USP24: variants seen among roughly 807,000 people sequenced by gnomAD.
USP24 encodes ubiquitin specific peptidase 24.
In USP24, 97 loss-of-function variants were observed where a neutral mutation model predicts 361.6. The ratio of observed to expected loss-of-function variants is 0.27; its 90% CI spans 0.23 to 0.32. USP24 has a LOEUF of 0.32. Among genes scored for constraint, USP24 ranks in the 10% least tolerant of loss-of-function variants. USP24 has a pLI of 1.00. For missense variants in USP24, 2,353 were observed against 3,165.6 expected, an observed-to-expected ratio of 0.74 and a Z score of 6.16; for synonymous variants, 1,098 against 1,124.6, an observed-to-expected ratio of 0.98 and a Z score of 0.47.
At position 55,072,326 on chromosome 1, in the gene USP24, A is replaced by C. The variant is rs1644937916; in HGVS notation, c.7680T>G (p.Ile2560Met). The C allele has an allele frequency of 1.9e-6, 3 of 1,613,536 alleles. No individual in the cohort carries two copies. The highest frequency in any genetic ancestry group is 2.2e-5 in the East Asian group (1 of 44,872). Residue 2560 changes from isoleucine to methionine, a missense_variant, in exon 66 of 68, where the codon ATT becomes ATG. By Grantham distance (10) the Ile-to-Met change is conservative (BLOSUM62 1). This residue lies in a region of USP24 where 8 missense variants were observed against 32.9 expected (regional missense o/e 0.24). Transcript: ENST00000294383. ...AAGAGACAACTCTCACCTGAGCTGA[A>C]ATGGTTCGCTGAAAGGTTTTTCCAG... The part of the protein sequence containing the change: ...TSTGKTFQRT[I>M]SAQDTLAYAT...
chr1:55,199,432 A>C (rs1644505141), intron 1 of USP24, among the ~76,000 whole-genome samples: 1 of 152,232 alleles, frequency 6.6e-6, no homozygotes, highest in Non-Finnish European at 1.5e-5. Flanking sequence ...TGAACTAAAT[A>C]ATAGACAATA....
chr1:55,119,347 T>A (rs1315713311), intron 38 of USP24, among the ~76,000 whole-genome samples: 2 of 152,198 alleles, frequency 1.3e-5, no homozygotes, highest in African/African-American at 4.8e-5. Context: ...ATTCCACTTA[T>A]ATGAGGTACC....
chr1:55,200,930 T>A (rs537519001), intron 1 of USP24, among the ~76,000 whole-genome samples: 8 of 152,338 alleles, frequency 5.3e-5, no homozygotes, highest in African/African-American at 1.9e-4. Context: ...AGAAAAAACA[T>A]AAAGCAAAGG....
intron 1 of USP24, among the ~76,000 whole-genome samples, chr1:55,183,757 C>T (rs1371764770): frequency 6.6e-6 from 1 of 152,078 alleles, no homozygotes; most frequent in Non-Finnish European, 1.5e-5. Context: ...ATGCTGTCTA[C>T]ATCAAACACA....
In USP24 at chr1:55,097,155, G is replaced by A. The variant is rs1041160400; in HGVS notation, c.5733C>T (p.Asn1911=). The part of the protein sequence containing the change: ...DEQIRFPWML[N]MEPYTVSGMA... ...TTCCTGAAACTGTGTAAGGCTCCATGTTTAGCATCCAGGGAAACTATGTAG... is the reference window on the plus strand; with the variant it reads ...TTCCTGAAACTGTGTAAGGCTCCATATTTAGCATCCAGGGAAACTATGTAG... Residue 1911 remains asparagine, a synonymous_variant, in exon 49 of 68, where the codon AAC becomes AAT. Transcript: ENST00000294383. 4.3e-6 allele frequency: 7 copies of A among 1,613,922 alleles called. No individual in the cohort carries two copies. The highest frequency in any genetic ancestry group is 3.3e-5 in the Admixed American group (2 of 60,012).
rs142318450 is a variant in USP24, at chr1:55,095,551, A to G, written c.6062-155T>C. Among the ~76,000 whole-genome samples the G allele has an allele frequency of 5.1e-3, 771 of 152,346 alleles. 5 individuals carry two copies. Among genetic ancestry groups the G allele is most frequent in the South Asian group, 0.018 (87 of 4,828 alleles). On this transcript the variant is annotated intron_variant, in intron 50 of 67. Transcript: ENST00000294383. ...AGTAAAATGTGAGTGTCTTTAGAGT[A>G]CTGCTTAGCATGGAAGTCAGGATAC...
chr1:55,125,161 T>C (rs552501016), intron 34 of USP24, among the ~76,000 whole-genome samples, 159 bp downstream of exon 34: 4 of 152,288 alleles, frequency 2.6e-5, no homozygotes, highest in African/African-American at 4.8e-5. Context: ...CCTGGAATTA[T>C]AGTTATTTCT....
chr1:55,180,305 C>T (rs1056101568), intron 1 of USP24, among the ~76,000 whole-genome samples: 2 of 152,198 alleles, frequency 1.3e-5, no homozygotes, highest in Non-Finnish European at 2.9e-5. Flanking sequence ...GGCACTACAG[C>T]TTCCTCCTGG....
chr1:55,132,431 AAC>A (rs1646619483), intron 31 of USP24, 112 bp downstream of exon 31: 6 of 1,267,122 alleles, frequency 4.7e-6, no homozygotes, highest in Non-Finnish European at 6.4e-6. Context: ...ACTAATTTTC[AAC>A]CAATCATCAC....
At position 55,072,415 on chromosome 1, in the gene USP24, G is replaced by T; in HGVS notation, c.7603-12C>A. 2 of 1,606,524 alleles carry T rather than the reference G, an allele frequency of 1.2e-6. No individual in the cohort carries two copies. The highest frequency in any genetic ancestry group is 2.2e-5 in the East Asian group (1 of 44,804). ...TAATGTTCTGACATCTGAGATGAAA[G>T]GTCAAAAATGCCATCAGAGGTGACA... On this transcript the variant is annotated splice_polypyrimidine_tract_variant and intron_variant, in intron 65 of 67. Coordinates refer to ENST00000294383, the MANE Select transcript of USP24 (RefSeq NM_015306.3).
intron 1 of USP24, among the ~76,000 whole-genome samples, chr1:55,204,543 A>G (rs953651483): frequency 6.6e-6 from 1 of 152,162 alleles, no homozygotes; most frequent in Non-Finnish European, 1.5e-5. Context: ...ATCACAAAAA[A>G]TCCTAGAGGC....
At chr1:55,193,218 A>G (rs1057400751) in intron 1 of USP24, among the ~76,000 whole-genome samples, 7 of 152,214 alleles carry the variant, frequency 4.6e-5, no homozygotes, top group Non-Finnish European at 8.8e-5. Context: ...TAAAGTACAC[A>G]GGAGGATGTG....
chr1:55,115,511 A>AAAAAAAAG (rs1646087202), intron 38 of USP24, among the ~76,000 whole-genome samples: 1 of 149,750 alleles, frequency 6.7e-6, no homozygotes, highest in Admixed American at 6.6e-5. Flanking sequence ...AAAAAAAAAA[A>AAAAAAAAG]AAAAAGGAAA....
chr1:55,075,898 C>G (rs1185572), intron 62 of USP24, among the ~76,000 whole-genome samples: 149,986 of 152,328 alleles, frequency 0.98, 73,879 homozygotes, highest in East Asian at 1. Context: ...GTGCCTAGGA[C>G]TTTGAGGCTA....
chr1:55,164,153 CT>C (rs1648580922), intron 7 of USP24, among the ~76,000 whole-genome samples: 1 of 151,552 alleles, frequency 6.6e-6, no homozygotes, highest in Non-Finnish European at 1.5e-5. Context: ...TAGTACTAAC[CT>C]GGAAAGATGA....
intron 62 of USP24, 101 bp from the exon 63 acceptor site, chr1:55,075,624 TGAC>T: frequency 1.5e-6 from 1 of 670,594 alleles, no homozygotes; most frequent in South Asian, 1.9e-5. Flanking sequence ...ATTTAGTGTT[TGAC>T]AACAACAACA....
intron 67 of USP24, chr1:55,071,185 T>G: frequency 1.0e-6 from 1 of 986,284 alleles, no homozygotes; most frequent in African/African-American, 1.7e-5. Context: ...CTGTACCAAG[T>G]ACTGTGAAGG....
intron 36 of USP24, 91 bp from the exon 37 acceptor site, chr1:55,121,597 C>T (rs1225288919): frequency 3.9e-6 from 4 of 1,024,186 alleles, no homozygotes; most frequent in Non-Finnish European, 5.9e-6. Flanking sequence ...TCAACTTAAG[C>T]ATAAGCTCTT....
chr1:55,198,387 G>C (rs287231), intron 1 of USP24, among the ~76,000 whole-genome samples: 127,797 of 152,252 alleles, frequency 0.84, 56,147 homozygotes, highest in Middle Eastern at 0.98. Flanking sequence ...AAGGGAAAGA[G>C]AACAAGGCAT....
Sources: gnomAD v4.1 joint callset for allele counts (sites outside exome capture counted in the v4.1 genomes callset) on GRCh38, gnomAD v4.1.1 for gene constraint, gnomAD v4.1.1 regional missense constraint, MANE v1.5 for transcripts, NCBI Gene and HGNC (gene_info 2026-07-23, HGNC 2026-07-21) for gene names.